The following CLEC1A variants were observed in gnomAD, a reference collection of about 807,000 sequenced individuals.
CLEC1A encodes C-type lectin domain family 1 member A, also known as C-type lectin-like receptor-1.
A neutral mutation model predicts 28.7 loss-of-function variants in CLEC1A; 34 were observed. The observed-to-expected ratio is 1.18, with a 90% confidence interval of 0.90 to 1.57. The LOEUF is 1.57. Ranked by LOEUF, CLEC1A falls within the 40% of genes most tolerant of loss-of-function variation. The pLI is 0.00. For missense variants in CLEC1A, 385 were observed against 339.5 expected (o/e 1.13, Z -1.05); for synonymous variants, 116 against 121.0 (o/e 0.96, Z 0.27).
chr12:10,098,728 T>G (rs1387597336), intron 1 of CLEC1A, 80 bp downstream of exon 1: 1 of 825,146 alleles, frequency 1.2e-6, no homozygotes, highest in African/African-American at 1.7e-5. Flanking sequence ...AAGCTAAATA[T>G]CTCCATTTCT....
chr12:10,075,427 C>A, intron 4 of CLEC1A, 77 bp downstream of exon 4: 1 of 1,478,562 alleles, frequency 6.8e-7, no homozygotes. Flanking sequence ...ATTCTTGATC[C>A]TTAGAGTCTT....
intron 1 of CLEC1A, among the ~76,000 whole-genome samples, chr12:10,092,819 A>G (rs903200872): frequency 8.5e-5 from 13 of 152,186 alleles, no homozygotes; most frequent in African/African-American, 3.1e-4. Flanking sequence ...ACAGGCTTTA[A>G]AAAGTTTTTA....
chr12:10,089,395 G>A (rs780163773), intron 1 of CLEC1A, among the ~76,000 whole-genome samples, 173 bp from the exon 2 acceptor site: 1 of 152,142 alleles, frequency 6.6e-6, no homozygotes. Context: ...ATAAGGCTCA[G>A]TGCAAGCCTC....
In CLEC1A at chr12:10,097,915, T is replaced by TAAAAAAAAAAAAAAAAAAA. The variant is rs11453815; in HGVS notation, c.115+892_115+893insTTTTTTTTTTTTTTTTTTT. Among the ~76,000 whole-genome samples the TAAAAAAAAAAAAAAAAAAA allele has an allele frequency of 6.8e-5, 8 of 117,878 alleles. 3 individuals are homozygous for TAAAAAAAAAAAAAAAAAAA. The highest frequency in any genetic ancestry group is 9.5e-5 in the African/African-American group (3 of 31,648). The allele number at this position is 117,878 out of a possible 152,430, so 77.3% of individuals were successfully genotyped here. A position where few individuals can be genotyped will look rare whatever the true frequency, so the allele number is the denominator to read the frequency against. On this transcript the variant is annotated intron_variant, in intron 1 of 5. Transcript: ENST00000315330. The stretch of plus-strand genomic sequence containing the variant: ...TTAACAGCTTACTGGGTAGTTTAGT[T>TAAAAAAAAAAAAAAAAAAA]AAAAAAAAAAAAAGCCATATTAGTA...
chr12:10,076,602 A>C (rs1218545115), intron 3 of CLEC1A, among the ~76,000 whole-genome samples: 4 of 152,218 alleles, frequency 2.6e-5, no homozygotes, highest in Non-Finnish European at 5.9e-5. Flanking sequence ...TACCAGGAGA[A>C]ATGTAACAAC....
chr12:10,080,289 G>T (rs1191715425), intron 3 of CLEC1A, among the ~76,000 whole-genome samples: 2 of 152,088 alleles, frequency 1.3e-5, no homozygotes, highest in African/African-American at 2.4e-5. Flanking sequence ...TTCCAGCCTA[G>T]GCAACAGAGT....
In CLEC1A at chr12:10,070,386, G is replaced by T. The variant is rs757265145; in HGVS notation, c.*947C>A. 1 of 152,102 alleles carries T rather than the reference G, an allele frequency of 6.6e-6. No individual in the cohort carries two copies. The highest frequency in any genetic ancestry group is 1.5e-5 in the Non-Finnish European group (1 of 68,020). 9.4% of individuals were successfully genotyped at this position (152,102 alleles called of 1,614,324 possible). ...AAATTCCCCAAAAACTTTCAGTAAG[G>T]CACAATCAAAATAATGACCGCTATC... On this transcript the variant is annotated 3_prime_UTR_variant, in exon 6 of 6. Transcript: ENST00000315330.
At chr12:10,080,115 C>A (rs1036804540) in intron 3 of CLEC1A, among the ~76,000 whole-genome samples, 1 of 152,108 alleles carries the variant, frequency 6.6e-6, no homozygotes, top group Non-Finnish European at 1.5e-5. Flanking sequence ...TCAAGACCAG[C>A]CTGCCCAACA....
chr12:10,077,696 G>T (rs1451221500), intron 3 of CLEC1A, among the ~76,000 whole-genome samples: 1 of 152,068 alleles, frequency 6.6e-6, no homozygotes, highest in African/African-American at 2.4e-5. Context: ...AATAACCCCA[G>T]GACGGGCATT....
At chr12:10,088,136 C>T (rs770330980) in intron 2 of CLEC1A, among the ~76,000 whole-genome samples, 1 of 151,926 alleles carries the variant, frequency 6.6e-6, no homozygotes, top group Non-Finnish European at 1.5e-5. Context: ...AAGTAAATTC[C>T]TAACATCATT....
chr12:10,092,459 A>T, intron 1 of CLEC1A: 1 of 385,478 alleles, frequency 2.6e-6, no homozygotes, highest in South Asian at 1.8e-5. Context: ...AGGTGGGAGG[A>T]TTGCTTGAGC....
chr12:10,095,267 G>A (rs1055923601), intron 1 of CLEC1A, among the ~76,000 whole-genome samples: 1 of 152,168 alleles, frequency 6.6e-6, no homozygotes, highest in African/African-American at 2.4e-5. Context: ...CAAGGGAAAA[G>A]AGGAACTTGA....
At chr12:10,079,029 A>T (rs1338674519) in intron 3 of CLEC1A, among the ~76,000 whole-genome samples, 1 of 152,240 alleles carries the variant, frequency 6.6e-6, no homozygotes, top group Non-Finnish European at 1.5e-5. Context: ...CATTAACCAA[A>T]TAAAACTCTT....
intron 1 of CLEC1A, among the ~76,000 whole-genome samples, chr12:10,089,768 T>C (rs1866574598): frequency 6.6e-6 from 1 of 152,166 alleles, no homozygotes; most frequent in Admixed American, 6.5e-5. Context: ...TGGAATTGCT[T>C]AATTGAAAGT....
chr12:10,073,526 T>C (rs547351668), intron 4 of CLEC1A, 115 bp from the exon 5 acceptor site: 55 of 711,618 alleles, frequency 7.7e-5, no homozygotes, highest in African/African-American at 3.6e-4. Flanking sequence ...CTGCTTCACA[T>C]TGATGCTCAT....
chr12:10,085,706 G>T (rs1487336735), intron 2 of CLEC1A, among the ~76,000 whole-genome samples: 2 of 152,074 alleles, frequency 1.3e-5, no homozygotes, highest in Non-Finnish European at 2.9e-5. Context: ...GAGATAGACA[G>T]CAACACAATA....
At chr12:10,093,258 T>C (rs1365797965) in intron 1 of CLEC1A, among the ~76,000 whole-genome samples, 2 of 151,778 alleles carry the variant, frequency 1.3e-5, no homozygotes, top group Non-Finnish European at 2.9e-5. Context: ...GGCTTTATTG[T>C]GGTTTTATTT....
chr12:10,086,513 G>A (rs1441824185), intron 2 of CLEC1A, among the ~76,000 whole-genome samples: 1 of 152,158 alleles, frequency 6.6e-6, no homozygotes, highest in Non-Finnish European at 1.5e-5. Flanking sequence ...AACGGGAGAT[G>A]TTCCAACTGA....
chr12:10,085,874 C>T (rs1471675113), intron 2 of CLEC1A, among the ~76,000 whole-genome samples: 1 of 152,148 alleles, frequency 6.6e-6, no homozygotes, highest in African/African-American at 2.4e-5. Context: ...CCAACAACTG[C>T]AGAGTATGCA....
Sources: gnomAD v4.1 joint callset for allele counts (sites outside exome capture counted in the v4.1 genomes callset) on GRCh38, gnomAD v4.1.1 for gene constraint, MANE v1.5 for transcripts, NCBI Gene and HGNC (gene_info 2026-07-23, HGNC 2026-07-21) for gene names.